Variants in SMG6 observed in about 807,000 individuals in gnomAD.
The protein encoded by SMG6 is telomerase-binding protein EST1A.
Under a neutral mutation model 142.2 loss-of-function variants are expected in SMG6, and 66 were observed. The ratio of observed to expected loss-of-function variants is 0.46; its 90% confidence interval spans 0.38 to 0.57. The LOEUF (loss-of-function observed/expected upper bound fraction) is 0.57, where lower values mean the gene tolerates loss of function less well. SMG6 is among the 20% of genes least tolerant of loss of function. The pLI is 0.00. For missense variants in SMG6, 1,793 were observed against 1,832.0 expected, an observed-to-expected ratio of 0.98 and a Z score of 0.39; for synonymous variants, 779 against 702.4, an observed-to-expected ratio of 1.11 and a Z score of -1.72.
intron 10 of SMG6, among the ~76,000 whole-genome samples, chr17:2,223,238 G>A (rs1416910246): frequency 3.3e-5 from 5 of 152,216 alleles, no homozygotes; most frequent in South Asian, 2.1e-4. Context: ...TGAACAGCAC[G>A]TGTCCGGATT....
At position 2,124,973 on chromosome 17, in the gene SMG6, C is replaced by T. The variant is rs138873481; in HGVS notation, c.3358-39072G>A. 7.8e-3 allele frequency among the ~76,000 whole-genome samples: 1,185 copies of T among 152,224 alleles called. 54 individuals are homozygous for T. The highest frequency in any genetic ancestry group is 0.069 in the Admixed American group (1,050 of 15,280). The stretch of plus-strand genomic sequence containing the variant: ...ATCAGAATGATGAACAAGGTACATA[C>T]GCTGCTATAAAATAATCAGCATCTC... On this transcript the variant is annotated intron_variant, in intron 13 of 18. Coordinates refer to ENST00000263073, the MANE Select transcript of SMG6 (RefSeq NM_017575.5).
chr17:2,070,939 C>G (rs2068082909), intron 15 of SMG6, among the ~76,000 whole-genome samples: 1 of 152,240 alleles, frequency 6.6e-6, no homozygotes. Flanking sequence ...CCCCTCTGCC[C>G]TTTCTCCTCT....
intron 15 of SMG6, among the ~76,000 whole-genome samples, chr17:2,078,966 G>A (rs1393755212): frequency 3.3e-5 from 5 of 152,048 alleles, no homozygotes; most frequent in African/African-American, 7.3e-5. Context: ...ATAGGTCATC[G>A]GTGATTTTTC....
intron 13 of SMG6, among the ~76,000 whole-genome samples, chr17:2,107,329 C>T (rs1299202113): frequency 6.6e-6 from 1 of 152,174 alleles, no homozygotes; most frequent in Non-Finnish European, 1.5e-5. Flanking sequence ...TGGGGACTGT[C>T]ATTTCCTGTT....
chr17:2,190,844 G>T (rs963169742), intron 10 of SMG6, among the ~76,000 whole-genome samples: 1 of 152,216 alleles, frequency 6.6e-6, no homozygotes, highest in South Asian at 2.1e-4. Flanking sequence ...GCCTGCTTAT[G>T]TGTCTGGTCC....
rs1000827207 is a variant in SMG6, at chr17:2,085,153, C to T, written c.3534+572G>A. Among the ~76,000 whole-genome samples the T allele has an allele frequency of 6.6e-5, 10 of 152,092 alleles. No homozygotes were observed. The highest frequency in any genetic ancestry group is 1.9e-4 in the African/African-American group (8 of 41,406). ...GCACACACACACACAGACGCGCACA[C>T]ACACACACAGACACACACACACGAG... On this transcript the variant is annotated intron_variant, in intron 14 of 18. Transcript: ENST00000263073. The surrounding 1 kb of genome is among the most constrained non-coding windows in gnomAD (Gnocchi z 4.1).
intron 8 of SMG6, among the ~76,000 whole-genome samples, chr17:2,279,797 A>T (rs1377042201): frequency 1.3e-5 from 2 of 152,156 alleles, no homozygotes; most frequent in East Asian, 3.9e-4. Context: ...AGCCATACTG[A>T]ACTACTCGCA....
At chr17:2,157,057 C>T (rs540976567) in intron 13 of SMG6, among the ~76,000 whole-genome samples, 2 of 152,134 alleles carry the variant, frequency 1.3e-5, no homozygotes, top group Non-Finnish European at 2.9e-5. Context: ...AGAGACCCTC[C>T]CTCCTCCTAA....
chr17:2,292,354 T>C (rs1414293435), intron 6 of SMG6, among the ~76,000 whole-genome samples, 198 bp downstream of exon 6: 1 of 152,122 alleles, frequency 6.6e-6, no homozygotes, highest in Non-Finnish European at 1.5e-5. Flanking sequence ...AGTGGAGAGA[T>C]GAAGTACAGA....
At chr17:2,278,415 G>A (rs1321176578) in intron 8 of SMG6, among the ~76,000 whole-genome samples, 2 of 152,070 alleles carry the variant, frequency 1.3e-5, no homozygotes, top group East Asian at 3.9e-4. Flanking sequence ...ATGTTGGCCA[G>A]GCTGGTCTCA....
At chr17:2,255,505 T>C (rs930060687) in intron 8 of SMG6, among the ~76,000 whole-genome samples, 1 of 150,364 alleles carries the variant, frequency 6.7e-6, no homozygotes, top group South Asian at 2.1e-4. Flanking sequence ...TTTGTAAAGG[T>C]TGTTCTGGAT....
At chr17:2,258,410 T>A (rs1180758745) in intron 8 of SMG6, among the ~76,000 whole-genome samples, 2 of 151,544 alleles carry the variant, frequency 1.3e-5, no homozygotes, top group East Asian at 3.9e-4. Flanking sequence ...ACAAAAAAAT[T>A]AGCTGGGTGT....
intron 13 of SMG6, among the ~76,000 whole-genome samples, chr17:2,146,479 A>C (rs2070672536): frequency 6.6e-6 from 1 of 152,174 alleles, no homozygotes; most frequent in African/African-American, 2.4e-5. Flanking sequence ...AAAAAGACTA[A>C]ATTTGTTTTG....
At position 2,248,950 on chromosome 17, in the gene SMG6, T is replaced by C. The variant is rs186586116; in HGVS notation, c.2662-4231A>G. 1.3e-4 allele frequency among the ~76,000 whole-genome samples: 19 copies of C among 150,874 alleles called. 1 individual carries two copies. The highest frequency in any genetic ancestry group is 1.1e-3 in the South Asian group (5 of 4,734). ...CACCCAGGCTGGAGTGCAGTGGCGC[T>C]ATCTCAGCTCACTGCAAGCTCCGCC... On this transcript the variant is annotated intron_variant, in intron 8 of 18. Transcript: ENST00000263073.
chr17:2,244,968 T>C, intron 8 of SMG6: 1 of 529,320 alleles, frequency 1.9e-6, no homozygotes, highest in African/African-American at 1.9e-5. Flanking sequence ...GGCACCTGTG[T>C]GCAGGGGATG....
chr17:2,266,263 T>C (rs1244018565), intron 8 of SMG6: 14 of 755,820 alleles, frequency 1.9e-5, no homozygotes, highest in Non-Finnish European at 2.1e-5. Context: ...TAACACAGAA[T>C]ATACACACGC....
At chr17:2,136,180 G>A (rs960970747) in intron 13 of SMG6, among the ~76,000 whole-genome samples, 1 of 151,924 alleles carries the variant, frequency 6.6e-6, no homozygotes, top group Non-Finnish European at 1.5e-5. Context: ...TCACGTCTCA[G>A]TTTCCTGAGT....
At chr17:2,153,145 A>G (rs1206273536) in intron 13 of SMG6, among the ~76,000 whole-genome samples, 1 of 152,242 alleles carries the variant, frequency 6.6e-6, no homozygotes, top group Non-Finnish European at 1.5e-5. Flanking sequence ...AAACTTTCTT[A>G]AAATACTATG....
intron 8 of SMG6, among the ~76,000 whole-genome samples, chr17:2,279,796 GAAC>G (rs1432847697): frequency 6.6e-6 from 1 of 152,152 alleles, no homozygotes; most frequent in Non-Finnish European, 1.5e-5. Flanking sequence ...CAGCCATACT[GAAC>G]TACTCGCAGT....
Sources: allele counts gnomAD v4.1 joint callset (sites outside exome capture counted in the v4.1 genomes callset), GRCh38; gene constraint gnomAD v4.1.1; non-coding constraint Gnocchi (gnomAD v3.1); transcripts MANE v1.5; gene names NCBI Gene and HGNC (gene_info 2026-07-23, HGNC 2026-07-21).